TAFA5: variants seen among roughly 807,000 people sequenced by gnomAD.
The protein encoded by TAFA5 is TAFA chemokine like family member 5.
TAFA5 carries 6 observed loss-of-function variants against 15.3 expected under a neutral mutation model. The observed-to-expected ratio is 0.39, with a 90% CI of 0.21 to 0.77. The LOEUF (loss-of-function observed/expected upper bound fraction) is 0.77, where lower values mean the gene tolerates loss of function less well. Among genes scored for constraint, TAFA5 ranks in the 30% least tolerant of loss-of-function variants. The pLI is 0.41. For synonymous variants in TAFA5, 103 were observed against 80.7 expected (o/e 1.28, Z -1.48); for missense variants, 161 against 193.1 (o/e 0.83, Z 0.98).
In TAFA5 at chr22:48,613,780, C is replaced by T. The variant is rs76995623; in HGVS notation, c.113-32817C>T. 1.2e-4 allele frequency among the ~76,000 whole-genome samples: 18 copies of T among 152,304 alleles called. No homozygotes were observed. The East Asian group carries it at 1.9e-3, about 16-fold the overall frequency. The stretch of plus-strand genomic sequence containing the variant: ...ATGCAAGGCCATGCTGACGTCCTTC[C>T]GGCCCTTCGTGACTCTGTCGCCATA... On this transcript the variant is annotated intron_variant, in intron 1 of 3. Transcript: ENST00000402357.
chr22:48,617,551 G>A (rs1268407184), intron 1 of TAFA5, among the ~76,000 whole-genome samples: 5 of 152,206 alleles, frequency 3.3e-5, no homozygotes, highest in East Asian at 1.9e-4. Context: ...AGCGCCTCTC[G>A]CAGAACCTCG....
rs527383413 is a variant in TAFA5, at chr22:48,494,061, C to T, written c.112+4357C>T. On this transcript the variant is annotated intron_variant, in intron 1 of 3. Coordinates refer to ENST00000402357, the MANE Select transcript of TAFA5 (RefSeq NM_001082967.3). ...GAAGGAGGCTCCACCTGATGGGTCT[C>T]TTCCATACCAGGCTCCCCAGCTAAG... Among the ~76,000 whole-genome samples, 299 of 152,348 alleles carry T rather than the reference C, an allele frequency of 2.0e-3. 1 individual carries two copies. The highest frequency in any genetic ancestry group is 3.2e-3 in the Non-Finnish European group (221 of 68,030).
intron 3 of TAFA5, among the ~76,000 whole-genome samples, chr22:48,739,978 G>A (rs1930134888): frequency 6.6e-6 from 1 of 152,066 alleles, no homozygotes; most frequent in African/African-American, 2.4e-5. Context: ...ACTGCAGGTC[G>A]GCTTTCTAAG....
chr22:48,652,825 G>A (rs1299342449), intron 2 of TAFA5, among the ~76,000 whole-genome samples: 2 of 6,576 alleles, frequency 3.0e-4, no homozygotes, highest in Non-Finnish European at 5.2e-4. Context: ...ACTGCTTAGG[G>A]GCATGGACAT....
At chr22:48,576,486 G>C in intron 1 of TAFA5, 9 of 1,477,140 alleles carry the variant, frequency 6.1e-6, no homozygotes, top group Non-Finnish European at 7.2e-6. Flanking sequence ...CCGCGATGCA[G>C]CTCCTGAAGG....
intron 2 of TAFA5, among the ~76,000 whole-genome samples, chr22:48,658,941 G>A (rs549450264): frequency 2.6e-5 from 4 of 152,188 alleles, no homozygotes; most frequent in Admixed American, 6.5e-5. Flanking sequence ...AGACTGCAGC[G>A]TCCAAAGAGG....
At chr22:48,694,767 TCAGACCTCCTCCC>T (rs1601678202) in intron 2 of TAFA5, among the ~76,000 whole-genome samples, 2 of 146,880 alleles carry the variant, frequency 1.4e-5, no homozygotes, top group African/African-American at 2.6e-5. Context: ...TGCCCACCGC[TCAGACCTCCTCCC>T]CCACCCCCCA....
At chr22:48,577,797 C>G (rs988101614) in intron 1 of TAFA5, among the ~76,000 whole-genome samples, 3 of 152,190 alleles carry the variant, frequency 2.0e-5, no homozygotes, top group African/African-American at 7.2e-5. Flanking sequence ...GTAGGCTACC[C>G]CAGGACTCTG....
intron 1 of TAFA5, chr22:48,543,683 T>A (rs1569019796): frequency 6.6e-6 from 1 of 152,550 alleles, no homozygotes; most frequent in Non-Finnish European, 1.5e-5. Context: ...GGGGACTGTG[T>A]CCCTGCTCGG....
intron 1 of TAFA5, among the ~76,000 whole-genome samples, chr22:48,582,270 A>C (rs1485316354): frequency 6.6e-6 from 1 of 151,934 alleles, no homozygotes; most frequent in African/African-American, 2.4e-5. Flanking sequence ...TACTGCACAC[A>C]CTACACACCA....
intron 3 of TAFA5, among the ~76,000 whole-genome samples, chr22:48,737,259 C>T (rs1930055751): frequency 6.6e-6 from 1 of 152,252 alleles, no homozygotes; most frequent in Non-Finnish European, 1.5e-5. Flanking sequence ...GACCATGAGA[C>T]AGGGAACCTG....
chr22:48,532,196 G>A (rs1490904545), intron 1 of TAFA5, among the ~76,000 whole-genome samples: 2 of 152,214 alleles, frequency 1.3e-5, no homozygotes, highest in Non-Finnish European at 2.9e-5. Context: ...GCTTCCAGGG[G>A]TTTTTCTACA....
chr22:48,562,433 C>A (rs1029897595), intron 1 of TAFA5, among the ~76,000 whole-genome samples: 1 of 152,214 alleles, frequency 6.6e-6, no homozygotes, highest in African/African-American at 2.4e-5. Context: ...CCACCGCGCC[C>A]GGCCCCGCGG....
At chr22:48,586,233 C>T (rs998568739) in intron 1 of TAFA5, among the ~76,000 whole-genome samples, 1 of 152,278 alleles carries the variant, frequency 6.6e-6, no homozygotes, top group African/African-American at 2.4e-5. Flanking sequence ...TGGCTCTCTT[C>T]TCTCTATGAC....
intron 2 of TAFA5, among the ~76,000 whole-genome samples, chr22:48,702,857 A>G (rs1293424418): frequency 1.3e-5 from 2 of 152,218 alleles, no homozygotes; most frequent in Non-Finnish European, 2.9e-5. Flanking sequence ...TCCAGCAGGA[A>G]GTGGGCTGGG....
chr22:48,578,784 G>A (rs1181329000), intron 1 of TAFA5, among the ~76,000 whole-genome samples: 2 of 152,224 alleles, frequency 1.3e-5, no homozygotes, highest in Non-Finnish European at 2.9e-5. Context: ...CCCTGTCCTT[G>A]CTGAGACGGC....
intron 1 of TAFA5, among the ~76,000 whole-genome samples, chr22:48,519,931 A>T (rs1921545661): frequency 6.6e-6 from 1 of 152,190 alleles, no homozygotes; most frequent in African/African-American, 2.4e-5. Context: ...TCAGAATGTG[A>T]CTTTACTTGG....
chr22:48,546,797 C>T (rs1423638570), intron 1 of TAFA5: 2 of 345,394 alleles, frequency 5.8e-6, no homozygotes, highest in Admixed American at 7.7e-5. Flanking sequence ...GGGTTGATTC[C>T]CGAAGTCACC....
intron 1 of TAFA5, among the ~76,000 whole-genome samples, chr22:48,514,776 G>A (rs1921345627): frequency 6.6e-6 from 1 of 152,254 alleles, no homozygotes; most frequent in Non-Finnish European, 1.5e-5. Context: ...CACTGGTCAT[G>A]TGACCTTCCT....
Sources: allele counts gnomAD v4.1 joint callset (sites outside exome capture counted in the v4.1 genomes callset), GRCh38; gene constraint gnomAD v4.1.1; transcripts MANE v1.5; gene names NCBI Gene and HGNC (gene_info 2026-07-23, HGNC 2026-07-21).